FAM204A: variants seen among roughly 807,000 people sequenced by gnomAD.
FAM204A encodes the protein family with sequence similarity 204 member A.
Under a neutral mutation model 35.4 loss-of-function variants are expected in FAM204A, and 16 were observed. The ratio of observed to expected loss-of-function variants is 0.45; its 90% CI spans 0.31 to 0.69. FAM204A has a LOEUF of 0.69. Among genes scored for constraint, FAM204A ranks in the 30% least tolerant of loss-of-function variants. The pLI, the probability that FAM204A is intolerant of heterozygous loss-of-function variation, is 0.07. For synonymous variants in FAM204A, 76 were observed against 86.9 expected (o/e 0.88, Z 0.70); for missense variants, 240 against 265.7 (o/e 0.90, Z 0.67).
intron 7 of FAM204A, among the ~76,000 whole-genome samples, chr10:118,321,152 A>G (rs1846110552): frequency 6.6e-6 from 1 of 152,024 alleles, no homozygotes; most frequent in East Asian, 1.9e-4. Context: ...GTACTGATGA[A>G]AAACCAATAT....
chr10:118,322,697 T>C (rs749963000), intron 7 of FAM204A, among the ~76,000 whole-genome samples: 1 of 152,124 alleles, frequency 6.6e-6, no homozygotes, highest in Non-Finnish European at 1.5e-5. Context: ...AAGGCAAATG[T>C]TGTAAAATGT....
At chr10:118,321,793 C>A (rs974868347) in intron 7 of FAM204A, among the ~76,000 whole-genome samples, 4 of 148,356 alleles carry the variant, frequency 2.7e-5, no homozygotes, top group African/African-American at 4.9e-5. Context: ...ACCTCTAAGG[C>A]GCTAGTTCTG....
At chr10:118,334,530 C>T (rs995281040) in intron 6 of FAM204A, among the ~76,000 whole-genome samples, 6 of 152,176 alleles carry the variant, frequency 3.9e-5, no homozygotes, top group Non-Finnish European at 8.8e-5. Flanking sequence ...ATCAGTTCAC[C>T]AGGTAACAGT....
intron 7 of FAM204A, among the ~76,000 whole-genome samples, chr10:118,316,917 G>A (rs909857393): frequency 6.6e-6 from 1 of 152,044 alleles, no homozygotes; most frequent in South Asian, 2.1e-4. Flanking sequence ...GGATACAGAC[G>A]TTTATATTCA....
At chr10:118,326,707 T>C (rs1013808032) in intron 6 of FAM204A, among the ~76,000 whole-genome samples, 2 of 152,168 alleles carry the variant, frequency 1.3e-5, no homozygotes, top group Non-Finnish European at 2.9e-5. Context: ...CGTCTGTAAG[T>C]AGTAAAGCCA....
In FAM204A at chr10:118,307,780, CAGA is replaced by C. The variant is rs1166488761; in HGVS notation, c.*3074_*3076del. ...TTTAGACAAAAGGTATAAAGAAAAT[CAGA>C]AGATTTTAATGTGAGTTCTAAGTTG... On this transcript the variant is annotated 3_prime_UTR_variant, in exon 9 of 9. Coordinates refer to ENST00000369183, the MANE Select transcript of FAM204A (RefSeq NM_022063.3). 4.6e-5 allele frequency: 7 copies of C among 152,120 alleles called. No individual in the cohort carries two copies. The East Asian group carries it at 1.3e-3, about 29-fold the overall frequency. 9.4% of individuals were successfully genotyped at this position (152,120 alleles called of 1,614,324 possible).
At chr10:118,325,139 A>C (rs1399005169) in intron 7 of FAM204A, among the ~76,000 whole-genome samples, 2 of 152,148 alleles carry the variant, frequency 1.3e-5, no homozygotes, top group African/African-American at 4.8e-5. Context: ...AAAATAAAAA[A>C]TTCACAAGAT....
At position 118,299,488 on chromosome 10, in the gene FAM204A, C is replaced by T. The variant is rs1378532271; in HGVS notation, c.*11369G>A. ...CCTCGACCTCTCGGGTTTAAGTAAT[C>T]CTCCCACCTTAGCCTCCCGAGTAGC... On this transcript the variant is annotated 3_prime_UTR_variant, in exon 9 of 9. Transcript: ENST00000369183. The T allele has an allele frequency of 7.1e-6, 1 of 141,744 alleles. No individual in the cohort carries two copies. The highest frequency in any genetic ancestry group is 1.5e-5 in the Non-Finnish European group (1 of 66,824). The allele number at this position is 141,744 out of a possible 1,614,324, so 8.8% of individuals were successfully genotyped here.
chr10:118,307,966 T>C lies in FAM204A; in HGVS notation c.*2891A>G, dbSNP rs1435745791. 2 of 152,224 alleles carry C rather than the reference T, an allele frequency of 1.3e-5. No homozygotes were observed. The highest frequency in any genetic ancestry group is 4.8e-5 in the African/African-American group (2 of 41,464). 9.4% of individuals were successfully genotyped at this position (152,224 alleles called of 1,614,324 possible). A position where few individuals can be genotyped will look rare whatever the true frequency, so the allele number is the denominator to read the frequency against. Reference sequence around the variant, plus strand: ...CTGATTTACAGTCTTGGCTGAGGTATTTAACTCTGTCATCAGAACTAATTA... The same window carrying C: ...CTGATTTACAGTCTTGGCTGAGGTACTTAACTCTGTCATCAGAACTAATTA... On this transcript the variant is annotated 3_prime_UTR_variant, in exon 9 of 9. Transcript: ENST00000369183.
At chr10:118,311,086 T>A (rs1375748254) in intron 8 of FAM204A, 121 bp downstream of exon 8, 1 of 1,069,724 alleles carries the variant, frequency 9.3e-7, no homozygotes, top group African/African-American at 1.6e-5. Context: ...CTGATAAACA[T>A]TCAACGAAGA....
chr10:118,310,134 CTTAAAAACACAGT>C lies in FAM204A; in HGVS notation c.*710_*722del, dbSNP rs976207641. On this transcript the variant is annotated 3_prime_UTR_variant, in exon 9 of 9. Transcript: ENST00000369183. ...TAATCCATTATAAACAACTGTCAGT[CTTAAAAACACAGT>C]TCCAGTAAACGTGTAGTTACACTGG... 3.3e-4 allele frequency: 50 copies of C among 152,144 alleles called. No individual in the cohort carries two copies. The highest frequency in any genetic ancestry group is 1.1e-3 in the African/African-American group (46 of 41,504). 9.4% of individuals were successfully genotyped at this position (152,144 alleles called of 1,614,324 possible).
Position 118,308,719 on chromosome 10 carries a change from T to C in FAM204A, c.*2138A>G. ...CATCTACATGAGAACCCCGAGGGGA[T>C]GCTGAGGGGGCAACTGCGGGCACTG... On this transcript the variant is annotated 3_prime_UTR_variant, in exon 9 of 9. Transcript: ENST00000369183. The C allele has an allele frequency of 6.5e-6, 1 of 154,954 alleles. No homozygotes were observed. The allele number at this position is 154,954 out of a possible 1,614,324, so 9.6% of individuals were successfully genotyped here. A position where few individuals can be genotyped will look rare whatever the true frequency, so the allele number is the denominator to read the frequency against.
At chr10:118,312,128 G>A (rs992126469) in intron 7 of FAM204A, among the ~76,000 whole-genome samples, 4 of 152,238 alleles carry the variant, frequency 2.6e-5, no homozygotes, top group African/African-American at 7.2e-5. Context: ...TCCAGGATAA[G>A]CATTGTGATG....
At chr10:118,321,724 C>CAAAAAAAAAAA (rs200200755) in intron 7 of FAM204A, among the ~76,000 whole-genome samples, 17 of 87,276 alleles carry the variant, frequency 1.9e-4, no homozygotes, top group Non-Finnish European at 2.8e-4. Flanking sequence ...TATGACAAAG[C>CAAAAAAAAAAA]AAAAAAAAAA....
chr10:118,333,757 C>T (rs775545874), intron 6 of FAM204A, among the ~76,000 whole-genome samples: 44 of 152,236 alleles, frequency 2.9e-4, no homozygotes, highest in Admixed American at 7.2e-4. Context: ...ACTTCCTTAG[C>T]CAGATGTAAT....
At position 118,308,512 on chromosome 10, in the gene FAM204A, A is replaced by G. The variant is rs1845899455; in HGVS notation, c.*2345T>C. On this transcript the variant is annotated 3_prime_UTR_variant, in exon 9 of 9. Transcript: ENST00000369183. ...ATGTCAGCAGGGCCAATCCAAGACA[A>G]CCTGTCCCCACAAATCTTCCCTCCA... The G allele has an allele frequency of 6.6e-6, 1 of 152,164 alleles. No individual in the cohort carries two copies. The highest frequency in any genetic ancestry group is 2.1e-4 in the South Asian group (1 of 4,822). The allele number at this position is 152,164 out of a possible 1,614,324, so 9.4% of individuals were successfully genotyped here. A position where few individuals can be genotyped will look rare whatever the true frequency, so the allele number is the denominator to read the frequency against.
In FAM204A at chr10:118,301,687, C is replaced by G. The variant is rs769644937; in HGVS notation, c.*9170G>C. 1 of 152,148 alleles carries G rather than the reference C, an allele frequency of 6.6e-6. No individual in the cohort carries two copies. Among genetic ancestry groups the G allele is most frequent in the Non-Finnish European group, 1.5e-5 (1 of 68,018 alleles). 9.4% of individuals were successfully genotyped at this position (152,148 alleles called of 1,614,324 possible). A position where few individuals can be genotyped will look rare whatever the true frequency, so the allele number is the denominator to read the frequency against. On this transcript the variant is annotated 3_prime_UTR_variant, in exon 9 of 9. Transcript: ENST00000369183. ...TGTCTCCCAACAAGTATATTGTTTG[C>G]TATATGTGAGAATCTATTCTCAGCA...
chr10:118,311,414 C>A, intron 7 of FAM204A, 101 bp from the exon 8 acceptor site: 1 of 905,880 alleles, frequency 1.1e-6, no homozygotes, highest in South Asian at 1.7e-5. Context: ...GTAAGAAAGC[C>A]ATGTCTAGAA....
rs749919000 is a variant in FAM204A, at chr10:118,341,898, C to G, written c.-180G>C. ...CGCTGCACATTCCGGCGAAGGATGT[C>G]TAGCCTGCTGGCAGTCCCATTAACT... On this transcript the variant is annotated 5_prime_UTR_variant, in exon 2 of 9. An upstream open reading frame in the 5' UTR loses its in-frame stop. Coordinates refer to ENST00000369183, the MANE Select transcript of FAM204A (RefSeq NM_022063.3). 8 of 152,298 alleles carry G rather than the reference C, an allele frequency of 5.3e-5. No homozygotes were observed. Among genetic ancestry groups the G allele is most frequent in the Non-Finnish European group, 7.3e-5 (5 of 68,102 alleles). The allele number at this position is 152,298 out of a possible 1,614,324, so 9.4% of individuals were successfully genotyped here.
Sources: allele counts gnomAD v4.1 joint callset (sites outside exome capture counted in the v4.1 genomes callset), GRCh38; gene constraint gnomAD v4.1.1; transcripts MANE v1.5; gene names NCBI Gene and HGNC (gene_info 2026-07-23, HGNC 2026-07-21).